Variants in TBCC observed in about 807,000 individuals in gnomAD.
The protein encoded by TBCC is tubulin-specific chaperone C.
TBCC carries 25 observed loss-of-function variants against 25.3 expected under a neutral mutation model. That is an observed-to-expected ratio of 0.99 (90% CI 0.72 to 1.38). TBCC has a LOEUF of 1.38. TBCC is among the 40% of genes most tolerant of loss of function. The pLI, the probability that TBCC is intolerant of heterozygous loss-of-function variation, is 0.00. For missense variants in TBCC, 507 were observed against 447.2 expected, an observed-to-expected ratio of 1.13 and a Z score of -1.21; for synonymous variants, 226 against 192.8, an observed-to-expected ratio of 1.17 and a Z score of -1.43.
rs2234024 is a variant in TBCC, at chr6:42,746,041, G to A, written c.33C>T (p.Val11=). MESVSCSAAA[V]RTGDMESQRD... Reference sequence around the variant, plus strand: ...GCTGGGACTCCATGTCTCCGGTCCTGACAGCAGCAGCGGAGCAACTGACGG... The same window carrying A: ...GCTGGGACTCCATGTCTCCGGTCCTAACAGCAGCAGCGGAGCAACTGACGG... Residue 11 remains valine, a synonymous_variant, in exon 1 of 1, where the codon GTC becomes GTT. Coordinates refer to ENST00000372876, the MANE Select transcript of TBCC (RefSeq NM_003192.3). 4.6e-3 allele frequency: 7,366 copies of A among 1,613,782 alleles called. 104 individuals are homozygous for A. The East Asian group carries it at 0.047, about 10-fold the overall frequency.
At position 42,746,006 on chromosome 6, in the gene TBCC, C is replaced by A; in HGVS notation, c.68G>T (p.Ser23Ile). The change falls in exon 1 of 1, where the codon AGC becomes ATC. Residue 23 changes from serine (S) to isoleucine (I), a missense_variant. Ser to Ile is a moderately radical substitution (Grantham distance 142). Coordinates refer to ENST00000372876, the MANE Select transcript of TBCC (RefSeq NM_003192.3). The part of the protein sequence containing the change: ...TGDMESQRDL[S>I]LVPERLQRRE... Reference sequence around the variant, plus strand: ...TCTCTGAAGCCGCTCAGGCACCAGGCTCAGGTCCCGCTGGGACTCCATGTC... The same window carrying A: ...TCTCTGAAGCCGCTCAGGCACCAGGATCAGGTCCCGCTGGGACTCCATGTC... The A allele has an allele frequency of 2.5e-6, 4 of 1,614,190 alleles. No homozygotes were observed. Among genetic ancestry groups the A allele is most frequent in the Non-Finnish European group, 8.5e-7 (1 of 1,180,040 alleles).
chr6:42,745,610 G>A lies in TBCC; in HGVS notation c.464C>T (p.Ala155Val). The change falls in exon 1 of 1, where the codon GCT (alanine) becomes GTT (valine). Residue 155 changes from alanine to valine, a missense_variant. Coordinates refer to ENST00000372876, the MANE Select transcript of TBCC (RefSeq NM_003192.3). The surrounding 1 kb of genome is among the most constrained non-coding windows in gnomAD (Gnocchi z 4.2). ...TTCAACTGCCGGGGGGATGCCAGGA[G>A]CCGCGTCTACTTTGGTAGACGAAGC... ...DAASSTKVDA[A>V]PGIPPAVESI... is the part of the protein sequence containing the mutation. 2 of 1,611,918 alleles carry A rather than the reference G, an allele frequency of 1.2e-6. No individual in the cohort carries two copies. Among genetic ancestry groups the A allele is most frequent in the South Asian group, 2.2e-5 (2 of 91,032 alleles).
In TBCC at chr6:42,746,052, C is replaced by T. The variant is rs1463087771; in HGVS notation, c.22G>A (p.Ala8Thr). The change falls in exon 1 of 1, where the codon GCT becomes ACT. Residue 8 changes from alanine to threonine, a missense_variant. Coordinates refer to ENST00000372876, the MANE Select transcript of TBCC (RefSeq NM_003192.3). The stretch of plus-strand genomic sequence containing the variant: ...ATGTCTCCGGTCCTGACAGCAGCAG[C>T]GGAGCAACTGACGGACTCCATATTG... MESVSCS[A>T]AAVRTGDMES... 1 of 1,613,342 alleles carries T rather than the reference C, an allele frequency of 6.2e-7. No individual in the cohort carries two copies. The highest frequency in any genetic ancestry group is 1.7e-5 in the Admixed American group (1 of 59,954).
rs1762229018 is a variant in TBCC at position 42,744,820 on chromosome 6, G to A, written c.*213C>T. The A allele has an allele frequency of 1.8e-6, 1 of 566,844 alleles. No individual in the cohort carries two copies. The highest frequency in any genetic ancestry group is 1.9e-5 in the African/African-American group (1 of 53,428). The allele number at this position is 566,844 out of a possible 1,614,324, so 35.1% of individuals were successfully genotyped here. On this transcript the variant is annotated 3_prime_UTR_variant, in exon 1 of 1. Transcript: ENST00000372876. ...ACGCTGGGGGACGGAGTAAGACTCA[G>A]TCTCAAAGGCATGACGAAAATAGCA...
At position 42,745,302 on chromosome 6, in the gene TBCC, A is replaced by C. The variant is rs1264821143; in HGVS notation, c.772T>G (p.Cys258Gly). 1 of 1,614,226 alleles carries C rather than the reference A, an allele frequency of 6.2e-7. No homozygotes were observed. The highest frequency in any genetic ancestry group is 8.5e-7 in the Non-Finnish European group (1 of 1,180,040). ...DCSDCVLAVACQQLRIHSTKD... is the reference protein window; with the variant it reads ...DCSDCVLAVAGQQLRIHSTKD... ...GTACTGTGTATGCGGAGCTGTTGGC[A>C]GGCCACTGCCAGCACGCAGTCACTG... The change falls in exon 1 of 1, where the codon TGC becomes GGC. Residue 258 changes from cysteine to glycine, a missense_variant. Cys to Gly is a radical substitution (Grantham distance 159, BLOSUM62 -3). Coordinates refer to ENST00000372876, the MANE Select transcript of TBCC (RefSeq NM_003192.3). This position sits in a 1 kb window ranked among gnomAD's most constrained non-coding sequence, Gnocchi z 4.2.
Position 42,745,071 on chromosome 6 carries a change from T to C in TBCC, c.1003A>G (p.Ile335Val), listed in dbSNP as rs138350475. The C allele has an allele frequency of 4.3e-4, 695 of 1,614,214 alleles. 10 individuals are homozygous for C. The East Asian group carries it at 0.015, about 35-fold the overall frequency. Reference protein sequence around the residue: ...ARDMASPNWSILPEEERNIQW... With the variant: ...ARDMASPNWSVLPEEERNIQW... ...ATATTTCGCTCCTCTTCAGGAAGAATACTCCAGTTTGGGGAGGCCATATCC... is the reference window on the plus strand; with the variant it reads ...ATATTTCGCTCCTCTTCAGGAAGAACACTCCAGTTTGGGGAGGCCATATCC... Residue 335 changes from isoleucine (I) to valine (V), a missense_variant, in exon 1 of 1, where the codon ATT (isoleucine) becomes GTT (valine). Physicochemically the swap from Ile to Val is conservative, Grantham distance 29. Coordinates refer to ENST00000372876, the MANE Select transcript of TBCC (RefSeq NM_003192.3). The surrounding 1 kb of genome is among the most constrained non-coding windows in gnomAD (Gnocchi z 4.2).
rs1762230287 is a variant in TBCC, at chr6:42,744,896, G to C, written c.*137C>G. On this transcript the variant is annotated 3_prime_UTR_variant, in exon 1 of 1. Coordinates refer to ENST00000372876, the MANE Select transcript of TBCC (RefSeq NM_003192.3). ...ACGAATTTAATGGAAATTACAAGTA[G>C]GAGCCCATTACAATCTCTAGCCTTA... 45 of 795,348 alleles carry C rather than the reference G, an allele frequency of 5.7e-5. No individual in the cohort carries two copies. The South Asian group carries it at 8.4e-4, about 15-fold the overall frequency. 49.3% of individuals were successfully genotyped at this position (795,348 alleles called of 1,614,324 possible).
chr6:42,745,806 G>A lies in TBCC; in HGVS notation c.268C>T (p.Arg90Trp), dbSNP rs376825498. ...SVERLEEAAS[R>W]LQGLQKLIND... ...ATTAGTTTCTGCAGCCCCTGGAGCC[G>A]AGAGGCCGCCTCCTCCAGCCGCTCG... Residue 90 changes from arginine to tryptophan, a missense_variant, in exon 1 of 1, where the codon CGG (arginine) becomes TGG (tryptophan). Physicochemically the swap from Arg to Trp is moderately radical, Grantham distance 101 (BLOSUM62 -3). Transcript: ENST00000372876. The surrounding 1 kb of genome is among the most constrained non-coding windows in gnomAD (Gnocchi z 4.2). 4.3e-6 allele frequency: 7 copies of A among 1,613,020 alleles called. No individual in the cohort carries two copies. Among genetic ancestry groups the A allele is most frequent in the African/African-American group, 2.7e-5 (2 of 74,960 alleles).
chr6:42,745,733 T>C lies in TBCC; in HGVS notation c.341A>G (p.Gln114Arg). 1 of 1,613,822 alleles carries C rather than the reference T, an allele frequency of 6.2e-7. No homozygotes were observed. Among genetic ancestry groups the C allele is most frequent in the Non-Finnish European group, 8.5e-7 (1 of 1,179,938 alleles). Residue 114 changes from glutamine (Q) to arginine (R), a missense_variant, in exon 1 of 1, where the codon CAA becomes CGA. Coordinates refer to ENST00000372876, the MANE Select transcript of TBCC (RefSeq NM_003192.3). This position sits in a 1 kb window ranked among gnomAD's most constrained non-coding sequence, Gnocchi z 4.2. ...CGCCTGCAGCCGCGCCAGCGCCTCT[T>C]GTCCCTGCCGCAGGTCGTAAGCGGC... ...FLAAYDLRQG[Q>R]EALARLQAAL...
rs1194997833 is a variant in TBCC at position 42,745,843 on chromosome 6, G to A, written c.231C>T (p.Arg77=). ...ERAAVEELLE[R]AESVERLEEA... ...CCTCCAGCCGCTCGACCGACTCCGC[G>A]CGCTCCAGAAGCTCTTCCACGGCCG... The change falls in exon 1 of 1, where the codon CGC becomes CGT. Residue 77 remains arginine, a synonymous_variant. Transcript: ENST00000372876. This position sits in a 1 kb window ranked among gnomAD's most constrained non-coding sequence, Gnocchi z 4.2. The A allele has an allele frequency of 6.2e-7, 1 of 1,613,434 alleles. No homozygotes were observed. The highest frequency in any genetic ancestry group is 2.2e-5 in the East Asian group (1 of 44,884).
rs775372258 is a variant in TBCC at position 42,745,593 on chromosome 6, C to T, written c.481G>A (p.Ala161Thr). 1 of 1,611,494 alleles carries T rather than the reference C, an allele frequency of 6.2e-7. No individual in the cohort carries two copies. Among genetic ancestry groups the T allele is most frequent in the Non-Finnish European group, 8.5e-7 (1 of 1,178,320 alleles). The part of the protein sequence containing the change: ...KVDAAPGIPP[A>T]VESIQDSPLP... ...GGGGAGTCCTGTATGCTTTCAACTG[C>T]CGGGGGGATGCCAGGAGCCGCGTCT... Residue 161 changes from alanine (A) to threonine (T), a missense_variant, in exon 1 of 1, where the codon GCA becomes ACA. By Grantham distance (58) the Ala-to-Thr change is moderately conservative. Coordinates refer to ENST00000372876, the MANE Select transcript of TBCC (RefSeq NM_003192.3). This position sits in a 1 kb window ranked among gnomAD's most constrained non-coding sequence, Gnocchi z 4.2.
chr6:42,745,291 G>C lies in TBCC; in HGVS notation c.783C>G (p.Leu261=), dbSNP rs140879179. 13 of 1,614,250 alleles carry C rather than the reference G, an allele frequency of 8.1e-6. No homozygotes were observed. In the African/African-American group the frequency reaches 1.5e-4, roughly 18 times the overall value. ...GGGTGTCTTTCGTACTGTGTATGCG[G>C]AGCTGTTGGCAGGCCACTGCCAGCA... ...DCVLAVACQQ[L]RIHSTKDTRI... Residue 261 remains leucine (L), a synonymous_variant, in exon 1 of 1, where the codon CTC becomes CTG. Transcript: ENST00000372876. This position sits in a 1 kb window ranked among gnomAD's most constrained non-coding sequence, Gnocchi z 4.2.
Position 42,745,104 on chromosome 6 carries a change from G to A in TBCC, c.970C>T (p.Leu324=), listed in dbSNP as rs1314171723. ...NWNDVDDFNW[L]ARDMASPNWS... ...TTTGGGGAGGCCATATCCCGGGCCAGCCAGTTAAAATCGTCAACATCGTTC... is the reference window on the plus strand; with the variant it reads ...TTTGGGGAGGCCATATCCCGGGCCAACCAGTTAAAATCGTCAACATCGTTC... Residue 324 remains leucine (L), a synonymous_variant, in exon 1 of 1, where the codon CTG becomes TTG. Coordinates refer to ENST00000372876, the MANE Select transcript of TBCC (RefSeq NM_003192.3). The surrounding 1 kb of genome is among the most constrained non-coding windows in gnomAD (Gnocchi z 4.2). 3.1e-6 allele frequency: 5 copies of A among 1,614,228 alleles called. No individual in the cohort carries two copies. The African/African-American group carries it at 4.0e-5, about 13-fold the overall frequency.
chr6:42,744,814 G>A lies in TBCC; in HGVS notation c.*219C>T. On this transcript the variant is annotated 3_prime_UTR_variant, in exon 1 of 1. Coordinates refer to ENST00000372876, the MANE Select transcript of TBCC (RefSeq NM_003192.3). ...GCCACCACGCTGGGGGACGGAGTAA[G>A]ACTCAGTCTCAAAGGCATGACGAAA... 3.7e-6 allele frequency: 2 copies of A among 538,948 alleles called. No individual in the cohort carries two copies. Among genetic ancestry groups the A allele is most frequent in the Non-Finnish European group, 6.5e-6 (2 of 305,702 alleles). 33.4% of individuals were successfully genotyped at this position (538,948 alleles called of 1,614,324 possible).
In TBCC at chr6:42,745,032, C is replaced by A; in HGVS notation, c.*1G>T. 6.2e-7 allele frequency: 1 copy of A among 1,612,628 alleles called. No homozygotes were observed. ...GGAGTGAAGAACAGAGTGACAACTG[C>A]TTAGTCCCACTGGATATTTCGCTCC... is the stretch of plus-strand genomic sequence containing the variant. On this transcript the variant is annotated 3_prime_UTR_variant, in exon 1 of 1. Coordinates refer to ENST00000372876, the MANE Select transcript of TBCC (RefSeq NM_003192.3). The surrounding 1 kb of genome is among the most constrained non-coding windows in gnomAD (Gnocchi z 4.2).
rs1481553037 is a variant in TBCC at position 42,745,484 on chromosome 6, C to G, written c.590G>C (p.Arg197Thr). The change falls in exon 1 of 1, where the codon AGA becomes ACA. Residue 197 changes from arginine (R) to threonine (T), a missense_variant. Arg to Thr is a moderately conservative substitution (Grantham distance 71). Transcript: ENST00000372876. The surrounding 1 kb of genome is among the most constrained non-coding windows in gnomAD (Gnocchi z 4.2). ...SNLESQVLEK[R>T]ASELHQRDVL... ...GTCGCGCTGGTGCAACTCGCTGGCTCTCTTCTCCAAGACTTGGGACTCCAG... is the reference window on the plus strand; with the variant it reads ...GTCGCGCTGGTGCAACTCGCTGGCTGTCTTCTCCAAGACTTGGGACTCCAG... 1.2e-6 allele frequency: 2 copies of G among 1,612,738 alleles called. No homozygotes were observed. Among genetic ancestry groups the G allele is most frequent in the East Asian group, 4.5e-5 (2 of 44,842 alleles).
Position 42,745,508 on chromosome 6 carries a change from A to C in TBCC, c.566T>G (p.Leu189Arg). 6.2e-7 allele frequency: 1 copy of C among 1,611,216 alleles called. No homozygotes were observed. The highest frequency in any genetic ancestry group is 1.1e-5 in the South Asian group (1 of 90,632). ...GPSWVCGFSN[L>R]ESQVLEKRAS... Reference sequence around the variant, plus strand: ...TCTCTTCTCCAAGACTTGGGACTCCAGGTTGGAGAAACCGCAGACCCAGCT... The same window carrying C: ...TCTCTTCTCCAAGACTTGGGACTCCCGGTTGGAGAAACCGCAGACCCAGCT... Residue 189 changes from leucine to arginine, a missense_variant, in exon 1 of 1, where the codon CTG becomes CGG. Coordinates refer to ENST00000372876, the MANE Select transcript of TBCC (RefSeq NM_003192.3). The surrounding 1 kb of genome is among the most constrained non-coding windows in gnomAD (Gnocchi z 4.2).
Position 42,745,615 on chromosome 6 carries a change from G to T in TBCC, c.459C>A (p.Asp153Glu), listed in dbSNP as rs769885960. The T allele has an allele frequency of 6.2e-7, 1 of 1,612,006 alleles. No homozygotes were observed. The stretch of plus-strand genomic sequence containing the variant: ...CTGCCGGGGGGATGCCAGGAGCCGC[G>T]TCTACTTTGGTAGACGAAGCAGCAT... ...GKDAASSTKV[D>E]AAPGIPPAVE... Residue 153 changes from aspartate (D) to glutamate (E), a missense_variant, in exon 1 of 1, where the codon GAC (aspartate) becomes GAA (glutamate). Coordinates refer to ENST00000372876, the MANE Select transcript of TBCC (RefSeq NM_003192.3). The surrounding 1 kb of genome is among the most constrained non-coding windows in gnomAD (Gnocchi z 4.2).
Position 42,745,699 on chromosome 6 carries a change from G to A in TBCC, c.375C>T (p.Ala125=), listed in dbSNP as rs3189500. Residue 125 remains alanine (A), a synonymous_variant, in exon 1 of 1, where the codon GCC becomes GCT. Coordinates refer to ENST00000372876, the MANE Select transcript of TBCC (RefSeq NM_003192.3). The surrounding 1 kb of genome is among the most constrained non-coding windows in gnomAD (Gnocchi z 4.2). The stretch of plus-strand genomic sequence containing the variant: ...TGGGCTGCAGCCCCCGGCGCCGCTC[G>A]GCCAAGGCCGCCTGCAGCCGCGCCA... The part of the protein sequence containing the change: ...EALARLQAAL[A]ERRRGLQPKK... 3 of 1,612,174 alleles carry A rather than the reference G, an allele frequency of 1.9e-6. No individual in the cohort carries two copies. The highest frequency in any genetic ancestry group is 2.7e-5 in the African/African-American group (2 of 74,960).
Sources: gnomAD v4.1 joint callset for allele counts on GRCh38, gnomAD v4.1.1 for gene constraint, Gnocchi (gnomAD v3.1) non-coding constraint, MANE v1.5 for transcripts, NCBI Gene and HGNC (gene_info 2026-07-23, HGNC 2026-07-21) for gene names.